Variants in DOCK7 observed in about 807,000 individuals in gnomAD.
DOCK7 encodes dedicator of cytokinesis 7, also known as dedicator of cytokinesis protein 7.
A neutral mutation model predicts 271.0 loss-of-function variants in DOCK7; 138 were observed. That is an observed-to-expected ratio of 0.51 (90% CI 0.44 to 0.59). DOCK7 has a LOEUF of 0.59. Ranked by LOEUF, DOCK7 falls within the 20% of genes least tolerant of loss-of-function variation. The pLI is 0.00. For synonymous variants in DOCK7, 823 were observed against 876.1 expected, an observed-to-expected ratio of 0.94 and a Z score of 1.07; for missense variants, 2,066 against 2,592.4, an observed-to-expected ratio of 0.80 and a Z score of 4.41.
At chr1:62,663,165 G>GAAAA in intron 1 of DOCK7, 35 bp from the exon 2 acceptor site, 11 of 1,040,840 alleles carry the variant, frequency 1.1e-5, no homozygotes, top group Admixed American at 5.4e-5. Context: ...ACGCATTATT[G>GAAAA]AAAAAAAAAA....
chr1:62,471,817 T>C (rs546830572), intron 48 of DOCK7, among the ~76,000 whole-genome samples: 1 of 152,340 alleles, frequency 6.6e-6, no homozygotes, highest in East Asian at 1.9e-4. Flanking sequence ...ATTAAAATTA[T>C]AGTTTAAACT....
At chr1:62,669,024 GGTAT>G (rs1419991009) in intron 1 of DOCK7, among the ~76,000 whole-genome samples, 1 of 151,902 alleles carries the variant, frequency 6.6e-6, no homozygotes, top group East Asian at 1.9e-4. Flanking sequence ...AACTTCAAGA[GGTAT>G]GTATATCACA....
intron 47 of DOCK7, 128 bp from the exon 48 acceptor site, chr1:62,474,216 C>T (rs1645909146): frequency 1.6e-6 from 1 of 644,780 alleles, no homozygotes; most frequent in African/African-American, 1.8e-5. Context: ...TATGCCTATG[C>T]CTATATTAAA....
At chr1:62,639,307 C>T (rs923919777) in intron 7 of DOCK7, among the ~76,000 whole-genome samples, 5 of 151,682 alleles carry the variant, frequency 3.3e-5, no homozygotes, top group Non-Finnish European at 5.9e-5. Flanking sequence ...GTGGGAGGAT[C>T]GCTTGAGGCC....
At chr1:62,514,200 C>T (rs914591767) in intron 31 of DOCK7, among the ~76,000 whole-genome samples, 1 of 151,698 alleles carries the variant, frequency 6.6e-6, no homozygotes, top group South Asian at 2.1e-4. Context: ...AAAGATTCTA[C>T]CATTAAAAAC....
chr1:62,646,150 C>T (rs977059980), intron 7 of DOCK7, among the ~76,000 whole-genome samples: 1 of 112,986 alleles, frequency 8.9e-6, no homozygotes. Context: ...AGTGAGACTC[C>T]GTCTCAAAAA....
intron 37 of DOCK7, 72 bp from the exon 38 acceptor site, chr1:62,496,569 TA>T: frequency 7.1e-7 from 1 of 1,406,440 alleles, no homozygotes; most frequent in South Asian, 1.5e-5. Context: ...TTTTCCTTGC[TA>T]AAAGTATATT....
intron 43 of DOCK7, chr1:62,481,548 A>C (rs1646127608): frequency 6.6e-6 from 1 of 152,146 alleles, no homozygotes; most frequent in Admixed American, 6.5e-5. Flanking sequence ...GAATTAAAAA[A>C]AAAACAAAAA....
At chr1:62,516,666 A>G (rs1439040670) in intron 31 of DOCK7, 1 of 152,246 alleles carries the variant, frequency 6.6e-6, no homozygotes, top group Non-Finnish European at 1.5e-5. Context: ...CCTTCAGACC[A>G]TCAGGATTAA....
chr1:62,473,936 TG>T, intron 48 of DOCK7, 45 bp downstream of exon 48: 1 of 1,510,902 alleles, frequency 6.6e-7, no homozygotes, highest in Non-Finnish European at 9.2e-7. Context: ...ACTGTGGTAT[TG>T]GACAGTCTCA....
At chr1:62,567,643 C>G (rs901195402) in intron 18 of DOCK7, among the ~76,000 whole-genome samples, 2 of 151,818 alleles carry the variant, frequency 1.3e-5, no homozygotes, top group African/African-American at 2.4e-5. Flanking sequence ...ACATGTATAT[C>G]TATGTAACAA....
At chr1:62,644,389 T>C (rs764287424) in intron 7 of DOCK7, among the ~76,000 whole-genome samples, 13 of 152,236 alleles carry the variant, frequency 8.5e-5, no homozygotes, top group Non-Finnish European at 1.8e-4. Context: ...CTATTTCTAA[T>C]ATTACTCTCA....
At chr1:62,506,341 GTTTC>G (rs1301083372) in intron 35 of DOCK7, among the ~76,000 whole-genome samples, 3 of 152,100 alleles carry the variant, frequency 2.0e-5, no homozygotes, top group African/African-American at 7.2e-5. Context: ...TGTCCCTGCT[GTTTC>G]TTTTCACTGA....
chr1:62,563,170 T>C (rs1010149387), intron 18 of DOCK7, among the ~76,000 whole-genome samples: 2 of 152,008 alleles, frequency 1.3e-5, no homozygotes, highest in African/African-American at 4.8e-5. Flanking sequence ...CTTCACCCAG[T>C]AACGAGCCCC....
intron 18 of DOCK7, among the ~76,000 whole-genome samples, chr1:62,568,801 A>G (rs1416158297): frequency 6.6e-6 from 1 of 151,314 alleles, no homozygotes; most frequent in African/African-American, 2.4e-5. Context: ...ACAGATCCAG[A>G]AGCTGTTTTT....
At chr1:62,469,758 A>T (rs1171588993) in intron 48 of DOCK7, among the ~76,000 whole-genome samples, 1 of 152,232 alleles carries the variant, frequency 6.6e-6, no homozygotes, top group African/African-American at 2.4e-5. Flanking sequence ...GGCTAAGGAC[A>T]TGAACAGACA....
At chr1:62,503,955 G>A (rs1646865060) in intron 37 of DOCK7, among the ~76,000 whole-genome samples, 1 of 151,944 alleles carries the variant, frequency 6.6e-6, no homozygotes, top group Admixed American at 6.6e-5. Context: ...GCTGAGGCAG[G>A]AGAATGGCGT....
intron 1 of DOCK7, among the ~76,000 whole-genome samples, chr1:62,681,416 A>T (rs1202309433): frequency 6.6e-6 from 1 of 151,238 alleles, no homozygotes; most frequent in Non-Finnish European, 1.5e-5. Context: ...GGATAGCATT[A>T]GGAGATATAC....
At chr1:62,619,796 G>T in intron 13 of DOCK7, 104 bp downstream of exon 13, 2 of 606,228 alleles carry the variant, frequency 3.3e-6, no homozygotes, top group South Asian at 2.8e-5. Flanking sequence ...ATAGAAAAAT[G>T]TCTGGGCCAG....
Sources: gnomAD v4.1 joint callset for allele counts (sites outside exome capture counted in the v4.1 genomes callset) on GRCh38, gnomAD v4.1.1 for gene constraint, MANE v1.5 for transcripts, NCBI Gene and HGNC (gene_info 2026-07-23, HGNC 2026-07-21) for gene names.